Variants in FAM151A observed in about 807,000 individuals in gnomAD.
The protein encoded by FAM151A is family with sequence similarity 151 member A.
Under a neutral mutation model 40.4 loss-of-function variants are expected in FAM151A, and 41 were observed. That is an observed-to-expected ratio of 1.01 (90% CI 0.79 to 1.32). The LOEUF (loss-of-function observed/expected upper bound fraction) is 1.32. Ranked by LOEUF, FAM151A falls within the 40% of genes most tolerant of loss-of-function variation. FAM151A has a pLI of 0.00. For synonymous variants in FAM151A, 337 were observed against 312.5 expected (o/e 1.08, Z -0.83); for missense variants, 740 against 740.4 (o/e 1.00, Z 0.01).
intron 1 of FAM151A, among the ~76,000 whole-genome samples, chr1:54,621,160 CAAAAAAA>C (rs55905389): frequency 4.6e-5 from 5 of 107,982 alleles, no homozygotes; most frequent in Non-Finnish European, 7.7e-5. Context: ...GACACTGTCT[CAAAAAAA>C]AAAAAAAACC....
chr1:54,623,354 C>A lies in FAM151A; in HGVS notation c.42G>T (p.Trp14Cys). 6.2e-7 allele frequency: 1 copy of A among 1,613,928 alleles called. No individual in the cohort carries two copies. Reference protein sequence around the residue: ...REQLSKNQVKWVFAGITCVSV... With the variant: ...REQLSKNQVKCVFAGITCVSV... The stretch of plus-strand genomic sequence containing the variant: ...ACACACAGGTAATGCCGGCAAACAC[C>A]CACTTGACCTGATTCTTTGATAACT... The change falls in exon 1 of 8, where the codon TGG (tryptophan) becomes TGT (cysteine). Residue 14 changes from tryptophan (W) to cysteine (C), a missense_variant. Trp to Cys is a radical substitution (Grantham distance 215). Transcript: ENST00000302250.
Position 54,609,425 on chromosome 1 carries a change from CG to C in FAM151A, c.1600del (p.Arg534GlyfsTer18). On this transcript the variant is annotated frameshift_variant, in exon 8 of 8. Coordinates refer to ENST00000302250, the MANE Select transcript of FAM151A (RefSeq NM_176782.3). LOFTEE classifies it low-confidence loss of function (END_TRUNC). Reference protein sequence around the residue: ...AIGRLLASSPRATVTVEHNPA... With the variant: ...AIGRLLASSPXATVTVEHNPA... ...GTTGTGCTCCACTGTGACGGTGGCC[CG>C]GGGGGAGGATGCCAGCAGCCTGCCT... The C allele has an allele frequency of 1.2e-6, 2 of 1,613,748 alleles. No individual in the cohort carries two copies. The highest frequency in any genetic ancestry group is 1.7e-5 in the Admixed American group (1 of 60,018).
intron 3 of FAM151A, 80 bp from the exon 4 acceptor site, chr1:54,614,939 G>GGTGGGT: frequency 8.3e-7 from 1 of 1,210,050 alleles, no homozygotes; most frequent in Admixed American, 2.0e-5. Context: ...AAGCAGAGCG[G>GGTGGGT]GTGTGTGTGT....
chr1:54,617,873 A>G (rs1644190275), intron 2 of FAM151A, among the ~76,000 whole-genome samples: 1 of 151,556 alleles, frequency 6.6e-6, no homozygotes, highest in Non-Finnish European at 1.5e-5. Context: ...ACAGGTATGC[A>G]CCACCACCAT....
Position 54,612,567 on chromosome 1 carries a change from T to C in FAM151A, c.719A>G (p.Gln240Arg), listed in dbSNP as rs1461129144. 2.5e-6 allele frequency: 4 copies of C among 1,613,918 alleles called. No individual in the cohort carries two copies. Among genetic ancestry groups the C allele is most frequent in the Non-Finnish European group, 3.4e-6 (4 of 1,179,986 alleles). Residue 240 changes from glutamine (Q) to arginine (R), a missense_variant, in exon 5 of 8, where the codon CAG (glutamine) becomes CGG (arginine). By Grantham distance (43) the Gln-to-Arg change is conservative (BLOSUM62 1). Coordinates refer to ENST00000302250, the MANE Select transcript of FAM151A (RefSeq NM_176782.3). ...AGACCGTACAGGGAAGGTGACCCTC[T>C]GGGGCACTCCTCCCACCAGCTCGTG... ...KMHELVGGVPQRVTFPVRSSM... is the reference protein window; with the variant it reads ...KMHELVGGVPRRVTFPVRSSM...
At chr1:54,621,412 A>G (rs1644228710) in intron 1 of FAM151A, 1 of 152,206 alleles carries the variant, frequency 6.6e-6, no homozygotes, top group South Asian at 2.1e-4. Flanking sequence ...AACCCAGATC[A>G]TGCTACTGCA....
intron 5 of FAM151A, 105 bp from the exon 6 acceptor site, chr1:54,611,850 C>T (rs1006593486): frequency 2.1e-6 from 3 of 1,402,714 alleles, no homozygotes; most frequent in African/African-American, 2.8e-5. Flanking sequence ...GGTAGAGCAT[C>T]TGTCCTCCAG....
At chr1:54,619,656 CAT>C (rs746531946) in intron 2 of FAM151A, among the ~76,000 whole-genome samples, 1 of 152,182 alleles carries the variant, frequency 6.6e-6, no homozygotes, top group Non-Finnish European at 1.5e-5. Context: ...TGGAGTCAGA[CAT>C]GTGGTTTAAA....
Position 54,616,077 on chromosome 1 carries a change from A to G in FAM151A, c.358T>C (p.Tyr120His). The change falls in exon 3 of 8, where the codon TAC (tyrosine) becomes CAC (histidine). Residue 120 changes from tyrosine to histidine, a missense_variant. Coordinates refer to ENST00000302250, the MANE Select transcript of FAM151A (RefSeq NM_176782.3). ...VPIMAHPPTI[Y>H]SDNTLEQWLD... ...CACTGCTCCAGTGTGTTGTCACTGT[A>G]GATAGTGGGGGGGTGTGCCATGATG... 1.9e-6 allele frequency: 3 copies of G among 1,614,108 alleles called. No homozygotes were observed. The highest frequency in any genetic ancestry group is 2.5e-6 in the Non-Finnish European group (3 of 1,180,032).
chr1:54,617,709 ATTTTTTTTTTTTTTTT>A (rs56229276), intron 2 of FAM151A, among the ~76,000 whole-genome samples: 15 of 55,766 alleles, frequency 2.7e-4, no homozygotes, highest in South Asian at 2.2e-3. Flanking sequence ...AGGGCCTGAG[ATTTTTTTTTTTTTTTT>A]TTTTTTTTTT....
At chr1:54,616,778 G>A (rs1183870307) in intron 2 of FAM151A, among the ~76,000 whole-genome samples, 1 of 152,014 alleles carries the variant, frequency 6.6e-6, no homozygotes, top group Non-Finnish European at 1.5e-5. Context: ...CATCTCTTTA[G>A]AGCAAACAAG....
At position 54,609,586 on chromosome 1, in the gene FAM151A, C is replaced by T; in HGVS notation, c.1440G>A (p.Trp480Ter). 6.2e-7 allele frequency: 1 copy of T among 1,613,114 alleles called. No individual in the cohort carries two copies. The highest frequency in any genetic ancestry group is 8.5e-7 in the Non-Finnish European group (1 of 1,180,030). Residue 480 changes from tryptophan (W) to a stop codon, truncating the protein, a stop_gained, in exon 8 of 8, where the codon TGG (tryptophan) becomes TGA (stop). Transcript: ENST00000302250. LOFTEE classifies it low-confidence loss of function (END_TRUNC). ...VFPHVTVAPG[W>*]PEEVLGSGYR... ...AGCCACTGCCCAGCACCTCCTCAGG[C>T]CAGCCTGGTGCCACAGTCACGTGGG... is the stretch of plus-strand genomic sequence containing the variant.
chr1:54,610,016 G>A (rs1644099053), intron 7 of FAM151A, 75 bp from the exon 8 acceptor site: 1 of 1,505,300 alleles, frequency 6.6e-7, no homozygotes, highest in Non-Finnish European at 8.8e-7. Context: ...TTGTTAAAGG[G>A]GCAGTGGGAG....
intron 2 of FAM151A, among the ~76,000 whole-genome samples, chr1:54,618,083 G>A (rs1012244364): frequency 2.0e-5 from 3 of 152,108 alleles, no homozygotes; most frequent in African/African-American, 7.2e-5. Context: ...TGGTCCATGG[G>A]CCACACGTTG....
At chr1:54,613,508 A>C (rs2101017295) in intron 4 of FAM151A, among the ~76,000 whole-genome samples, 1 of 151,910 alleles carries the variant, frequency 6.6e-6, no homozygotes, top group South Asian at 2.1e-4. Flanking sequence ...GGCTGGTCTC[A>C]AACTCCTGAG....
intron 6 of FAM151A, 64 bp downstream of exon 6, chr1:54,611,542 G>A (rs1163928512): frequency 2.6e-6 from 4 of 1,555,124 alleles, no homozygotes; most frequent in Admixed American, 1.7e-5. Flanking sequence ...CTGCTCCAGT[G>A]CCCACCAGGT....
intron 2 of FAM151A, among the ~76,000 whole-genome samples, chr1:54,617,843 C>A (rs1644189974): frequency 1.3e-5 from 2 of 150,698 alleles, no homozygotes; most frequent in Non-Finnish European, 2.9e-5. Flanking sequence ...CCTGCCTCAG[C>A]CTCCTGAGTA....
chr1:54,623,229 G>C (rs773375116), intron 1 of FAM151A, 49 bp downstream of exon 1: 1 of 1,231,274 alleles, frequency 8.1e-7, no homozygotes, highest in African/African-American at 1.5e-5. Flanking sequence ...GGGATAAGGA[G>C]CGAGCGATGA....
At chr1:54,610,302 T>C in intron 7 of FAM151A, 110 bp downstream of exon 7, 1 of 1,533,918 alleles carries the variant, frequency 6.5e-7, no homozygotes, top group Non-Finnish European at 8.7e-7. Context: ...CAGGGTATGG[T>C]GTAAATAAAC....
Sources: gnomAD v4.1 joint callset for allele counts (sites outside exome capture counted in the v4.1 genomes callset) on GRCh38, gnomAD v4.1.1 for gene constraint, MANE v1.5 for transcripts, NCBI Gene and HGNC (gene_info 2026-07-23, HGNC 2026-07-21) for gene names.